Variants in SIAH3 observed in about 807,000 individuals in gnomAD.
The protein encoded by SIAH3 is siah E3 ubiquitin protein ligase family member 3.
SIAH3 carries 9 observed loss-of-function variants against 12.6 expected under a neutral mutation model. The observed-to-expected ratio is 0.72, with a 90% CI of 0.43 to 1.25. SIAH3 has a LOEUF of 1.25. Among genes scored for constraint, SIAH3 ranks in the 50% most tolerant of loss-of-function variants. SIAH3 has a pLI of 0.00. For missense variants in SIAH3, 390 were observed against 365.4 expected (o/e 1.07, Z -0.55); for synonymous variants, 154 against 151.1 (o/e 1.02, Z -0.14).
intron 1 of SIAH3, among the ~76,000 whole-genome samples, chr13:45,820,389 G>A (rs1950651528): frequency 6.6e-6 from 1 of 152,172 alleles, no homozygotes; most frequent in Admixed American, 6.5e-5. Context: ...TGCGGGCCAG[G>A]GGCTGCGTCT....
At chr13:45,797,276 AAGG>A (rs1950566248) in intron 1 of SIAH3, among the ~76,000 whole-genome samples, 1 of 151,990 alleles carries the variant, frequency 6.6e-6, no homozygotes, top group Non-Finnish European at 1.5e-5. Flanking sequence ...GCCCAAGGGG[AAGG>A]AGATTAAGTC....
chr13:45,788,674 C>T (rs1054900873), intron 1 of SIAH3, among the ~76,000 whole-genome samples: 1 of 152,156 alleles, frequency 6.6e-6, no homozygotes, highest in East Asian at 1.9e-4. Flanking sequence ...GAAGGGGAAA[C>T]CTGCCTCTGG....
chr13:45,801,389 T>G (rs1364000313), intron 1 of SIAH3, among the ~76,000 whole-genome samples: 1 of 152,088 alleles, frequency 6.6e-6, no homozygotes, highest in African/African-American at 2.4e-5. Flanking sequence ...TTCCACCGAC[T>G]GATGAGGCCT....
At chr13:45,784,185 CAACAAACAAACAAACA>C (rs10578981) in intron 1 of SIAH3, 128 bp from the exon 2 acceptor site, 152 of 700,458 alleles carry the variant, frequency 2.2e-4, no homozygotes, top group Non-Finnish European at 7.7e-5. Context: ...ATTTCTTAAA[CAACAAACAAACAAACA>C]AACAAACAAA....
intron 1 of SIAH3, among the ~76,000 whole-genome samples, chr13:45,848,680 A>C (rs1950768904): frequency 6.6e-6 from 1 of 152,224 alleles, no homozygotes; most frequent in African/African-American, 2.4e-5. Context: ...AGCCCAGGAA[A>C]GGATAAAACA....
In SIAH3 at chr13:45,786,289, A is replaced by T. The variant is rs1950527694; in HGVS notation, c.136-2232T>A. On this transcript the variant is annotated intron_variant, in intron 1 of 1. Coordinates refer to ENST00000400405, the MANE Select transcript of SIAH3 (RefSeq NM_198849.3). The stretch of plus-strand genomic sequence containing the variant: ...GTCTTGGGCTCTCATGAAAAACCCA[A>T]ATGGTGTCCCTCTTCCAGTCTCTGA... 2.6e-5 allele frequency among the ~76,000 whole-genome samples: 4 copies of T among 152,114 alleles called. No homozygotes were observed. The South Asian group carries it at 8.3e-4, about 32-fold the overall frequency.
chr13:45,783,226 T>C lies in SIAH3; in HGVS notation c.*157A>G. The C allele has an allele frequency of 2.3e-6, 1 of 425,972 alleles. No individual in the cohort carries two copies. The highest frequency in any genetic ancestry group is 3.8e-6 in the Non-Finnish European group (1 of 263,932). 26.4% of individuals were successfully genotyped at this position (425,972 alleles called of 1,614,324 possible). On this transcript the variant is annotated 3_prime_UTR_variant, in exon 2 of 2. Coordinates refer to ENST00000400405, the MANE Select transcript of SIAH3 (RefSeq NM_198849.3). ...ATGCCCATGGCAGACAAAAACTAAATCTCACAAAGTACCTGAGACAAAAAA... is the reference window on the plus strand; with the variant it reads ...ATGCCCATGGCAGACAAAAACTAAACCTCACAAAGTACCTGAGACAAAAAA...
In SIAH3 at chr13:45,823,249, C is replaced by T. The variant is rs887265025; in HGVS notation, c.135+28246G>A. The stretch of plus-strand genomic sequence containing the variant: ...ACGAAGACCACTGCCTGGCCCAACC[C>T]TAGAGTGCTGACTTAATCGGTCTGG... On this transcript the variant is annotated intron_variant, in intron 1 of 1. Transcript: ENST00000400405. 5.9e-5 allele frequency among the ~76,000 whole-genome samples: 9 copies of T among 152,210 alleles called. 1 individual carries two copies. The highest frequency in any genetic ancestry group is 1.5e-5 in the Non-Finnish European group (1 of 68,032).
At position 45,804,963 on chromosome 13, in the gene SIAH3, A is replaced by AACACACAC. The variant is rs56315825; in HGVS notation, c.136-20914_136-20907dup. Among the ~76,000 whole-genome samples, 1,047 of 135,880 alleles carry AACACACAC rather than the reference A, an allele frequency of 7.7e-3. 9 individuals are homozygous for AACACACAC. Among genetic ancestry groups the AACACACAC allele is most frequent in the South Asian group, 0.019 (76 of 3,990 alleles). The allele number at this position is 135,880 out of a possible 152,430, so 89.1% of individuals were successfully genotyped here. A position where few individuals can be genotyped will look rare whatever the true frequency, so the allele number is the denominator to read the frequency against. ...AAATCAAGAACTCAATCCCATTTATAACACACACACACACACACACACACA... is the reference window on the plus strand; with the variant it reads ...AAATCAAGAACTCAATCCCATTTATAACACACACACACACACACACACACACACACACA... On this transcript the variant is annotated intron_variant, in intron 1 of 1. Transcript: ENST00000400405.
chr13:45,779,903 C>T lies in SIAH3; in HGVS notation c.*3480G>A, dbSNP rs568194149. On this transcript the variant is annotated 3_prime_UTR_variant, in exon 2 of 2. Transcript: ENST00000400405. The stretch of plus-strand genomic sequence containing the variant: ...TCTTCGTGTGGCCTGACCTCCATTT[C>T]GGCGTCAACCATGTATGTAGGCTCA... 4.6e-5 allele frequency: 7 copies of T among 152,298 alleles called. No homozygotes were observed. Among genetic ancestry groups the T allele is most frequent in the Non-Finnish European group, 7.3e-5 (5 of 68,036 alleles). The allele number at this position is 152,298 out of a possible 1,614,324, so 9.4% of individuals were successfully genotyped here.
At chr13:45,819,886 C>G (rs1450791252) in intron 1 of SIAH3, among the ~76,000 whole-genome samples, 1 of 152,182 alleles carries the variant, frequency 6.6e-6, no homozygotes, top group Non-Finnish European at 1.5e-5. Flanking sequence ...TTATAAAGAA[C>G]AGAAAGGGGT....
rs987071154 is a variant in SIAH3, at chr13:45,782,032, G to A, written c.*1351C>T. 7.2e-5 allele frequency: 11 copies of A among 152,350 alleles called. No homozygotes were observed. Among genetic ancestry groups the A allele is most frequent in the African/African-American group, 2.6e-4 (11 of 41,544 alleles). The allele number at this position is 152,350 out of a possible 1,614,324, so 9.4% of individuals were successfully genotyped here. Reference sequence around the variant, plus strand: ...GGGGGGACAAATGCGATAAAAAGGAGCTAGAAGAGGTCCTACTGGGAAGGC... The same window carrying A: ...GGGGGGACAAATGCGATAAAAAGGAACTAGAAGAGGTCCTACTGGGAAGGC... On this transcript the variant is annotated 3_prime_UTR_variant, in exon 2 of 2. Coordinates refer to ENST00000400405, the MANE Select transcript of SIAH3 (RefSeq NM_198849.3).
intron 1 of SIAH3, among the ~76,000 whole-genome samples, chr13:45,826,460 A>AGTGGGTGCGTGGGTGG (rs1162256365): frequency 0.22 from 1,680 of 7,472 alleles, 528 homozygotes; most frequent in Middle Eastern, 0.4. Flanking sequence ...TGGATGGATG[A>AGTGGGTGCGTGGGTGG]ATGGATGGAT....
At chr13:45,807,078 A>G (rs1950600696) in intron 1 of SIAH3, among the ~76,000 whole-genome samples, 1 of 152,216 alleles carries the variant, frequency 6.6e-6, no homozygotes, top group Non-Finnish European at 1.5e-5. Context: ...GTAGCTGTTC[A>G]TATTAAAAAT....
At position 45,851,609 on chromosome 13, in the gene SIAH3, G is replaced by T; in HGVS notation, c.21C>A (p.Cys7Ter). ...GAATGAGATCTAATACAGCCCCAAAGCACTGGGTAAAGAAAAGCATCACAA... is the reference window on the plus strand; with the variant it reads ...GAATGAGATCTAATACAGCCCCAAATCACTGGGTAAAGAAAAGCATCACAA... MLFFTQCFGAVLDLIHL... is the reference protein window; with the variant it reads MLFFTQ The change falls in exon 1 of 2, where the codon TGC becomes TGA. Residue 7 changes from cysteine to a stop codon, truncating the protein, a stop_gained. Transcript: ENST00000400405. LOFTEE classifies it high-confidence loss of function. 6.2e-7 allele frequency: 1 copy of T among 1,614,216 alleles called. No individual in the cohort carries two copies. Among genetic ancestry groups the T allele is most frequent in the African/African-American group, 1.3e-5 (1 of 75,052 alleles).
chr13:45,851,722 G>A lies in SIAH3; in HGVS notation c.-93C>T, dbSNP rs932493587. 2 of 1,520,602 alleles carry A rather than the reference G, an allele frequency of 1.3e-6. No individual in the cohort carries two copies. Among genetic ancestry groups the A allele is most frequent in the South Asian group, 2.4e-5 (2 of 84,206 alleles). The allele number at this position is 1,520,602 out of a possible 1,614,324, so 94.2% of individuals were successfully genotyped here. A position where few individuals can be genotyped will look rare whatever the true frequency, so the allele number is the denominator to read the frequency against. On this transcript the variant is annotated 5_prime_UTR_variant, in exon 1 of 2. Coordinates refer to ENST00000400405, the MANE Select transcript of SIAH3 (RefSeq NM_198849.3). Reference sequence around the variant, plus strand: ...AGGAGCGCAGCCTCTGAGACACTCCGCTCCAGCCCGGCTTAGCGCGCCTTC... The same window carrying A: ...AGGAGCGCAGCCTCTGAGACACTCCACTCCAGCCCGGCTTAGCGCGCCTTC...
At position 45,783,606 on chromosome 13, in the gene SIAH3, G is replaced by A. The variant is rs1284784071; in HGVS notation, c.587C>T (p.Ala196Val). ...CTCCAGGCGATAGGTGAAGCAGTCG[G>A]CCTGGGTGGGGGTCCCAATCAGCAT... ...TMMLIGTPTQ[A>V]DCFTYRLELN... The change falls in exon 2 of 2, where the codon GCC becomes GTC. Residue 196 changes from alanine (A) to valine (V), a missense_variant. Transcript: ENST00000400405. 3 of 1,614,072 alleles carry A rather than the reference G, an allele frequency of 1.9e-6. No homozygotes were observed. The highest frequency in any genetic ancestry group is 2.5e-6 in the Non-Finnish European group (3 of 1,179,958).
At chr13:45,847,559 T>C (rs1420865324) in intron 1 of SIAH3, among the ~76,000 whole-genome samples, 1 of 152,050 alleles carries the variant, frequency 6.6e-6, no homozygotes, top group Non-Finnish European at 1.5e-5. Context: ...CAGCTTTAGA[T>C]TTCATATCTG....
At chr13:45,817,889 T>C (rs764238643) in intron 1 of SIAH3, among the ~76,000 whole-genome samples, 5 of 152,232 alleles carry the variant, frequency 3.3e-5, no homozygotes, top group Non-Finnish European at 7.3e-5. Context: ...TTACCTGCTG[T>C]GCCCCTTTTG....
Sources: gnomAD v4.1 joint callset for allele counts (sites outside exome capture counted in the v4.1 genomes callset) on GRCh38, gnomAD v4.1.1 for gene constraint, MANE v1.5 for transcripts, NCBI Gene and HGNC (gene_info 2026-07-23, HGNC 2026-07-21) for gene names.